Variants in ECRG4 observed in about 807,000 individuals in gnomAD.
ECRG4 encodes the protein ECRG4 augurin precursor.
Under a neutral mutation model 15.8 loss-of-function variants are expected in ECRG4, and 18 were observed. The ratio of observed to expected loss-of-function variants is 1.14; its 90% confidence interval spans 0.79 to 1.69. The LOEUF (loss-of-function observed/expected upper bound fraction) is 1.69, where lower values mean the gene tolerates loss of function less well. ECRG4 is among the 40% of genes most tolerant of loss of function. ECRG4 has a pLI of 0.00. For missense variants in ECRG4, 200 were observed against 190.9 expected (o/e 1.05, Z -0.28); for synonymous variants, 82 against 73.9 (o/e 1.11, Z -0.56).
At chr2:106,067,804 A>G (rs567210829) in intron 1 of ECRG4, among the ~76,000 whole-genome samples, 11 of 151,148 alleles carry the variant, frequency 7.3e-5, no homozygotes, top group African/African-American at 2.7e-4. Context: ...TCTTTATGTA[A>G]TCCCAAAGGT....
chr2:106,065,837 G>T lies in ECRG4; in HGVS notation c.73G>T (p.Gly25Cys). The change falls in exon 1 of 4, where the codon GGC (glycine) becomes TGC (cysteine). Residue 25 changes from glycine to cysteine, a missense_variant. Transcript: ENST00000238044. ...GLALLLLLCW[G>C]PGGISGNKLK... ...GGCGCTGCTCCTGCTCCTGTGCTGG[G>T]GCCCAGGTGAGCGGGGCGATGCCAG... is the stretch of plus-strand genomic sequence containing the variant. The T allele has an allele frequency of 6.8e-7, 1 of 1,480,394 alleles. No homozygotes were observed. The highest frequency in any genetic ancestry group is 2.9e-5 in the East Asian group (1 of 34,248). 91.7% of individuals were successfully genotyped at this position (1,480,394 alleles called of 1,614,324 possible).
chr2:106,067,523 G>A (rs1676252308), intron 1 of ECRG4, among the ~76,000 whole-genome samples: 1 of 151,384 alleles, frequency 6.6e-6, no homozygotes, highest in African/African-American at 2.4e-5. Context: ...AGGCTGGAGT[G>A]TAATGGCGTG....
chr2:106,071,956 G>T, intron 2 of ECRG4, 65 bp downstream of exon 2: 1 of 1,392,618 alleles, frequency 7.2e-7, no homozygotes, highest in South Asian at 1.2e-5. Context: ...TGGCAATATG[G>T]ATTGTGCTCA....
chr2:106,069,107 CCTT>C, intron 1 of ECRG4, among the ~76,000 whole-genome samples: 1 of 131,414 alleles, frequency 7.6e-6, no homozygotes, highest in South Asian at 3.0e-4. Context: ...TTCCTTCCTT[CCTT>C]CTTTTTCTTT....
chr2:106,065,928 T>G, intron 1 of ECRG4, 85 bp downstream of exon 1: 1 of 1,228,968 alleles, frequency 8.1e-7, no homozygotes, highest in South Asian at 1.6e-5. Context: ...GGGAGAGCGA[T>G]CGGTGATGGG....
Position 106,069,564 on chromosome 2 carries a change from A to G in ECRG4, c.80-2280A>G, listed in dbSNP as rs923067288. Among the ~76,000 whole-genome samples the G allele has an allele frequency of 2.6e-5, 4 of 152,258 alleles. No individual in the cohort carries two copies. In the East Asian group the frequency reaches 7.7e-4, roughly 29 times the overall value. On this transcript the variant is annotated intron_variant, in intron 1 of 3. Transcript: ENST00000238044. Reference sequence around the variant, plus strand: ...TGACCAGGCTGGTCTCAAACTCCTGATCTCAGGCTATGCGCCTGCCTTGGC... The same window carrying G: ...TGACCAGGCTGGTCTCAAACTCCTGGTCTCAGGCTATGCGCCTGCCTTGGC...
chr2:106,075,670 TGAG>T (rs1398817597), intron 3 of ECRG4, among the ~76,000 whole-genome samples: 1 of 151,810 alleles, frequency 6.6e-6, no homozygotes, highest in Non-Finnish European at 1.5e-5. Flanking sequence ...TGCTGTGAGC[TGAG>T]ATCGCACCAC....
At chr2:106,075,881 G>A (rs1009952302) in intron 3 of ECRG4, among the ~76,000 whole-genome samples, 1 of 152,154 alleles carries the variant, frequency 6.6e-6, no homozygotes, top group Admixed American at 6.5e-5. Flanking sequence ...GTGGTCTCTG[G>A]CAAAGGAATA....
intron 2 of ECRG4, 23 bp from the exon 3 acceptor site, chr2:106,073,863 G>T: frequency 3.1e-6 from 5 of 1,610,558 alleles, no homozygotes; most frequent in Non-Finnish European, 4.2e-6. Context: ...TGTGCTTTGG[G>T]GATGGGGAAT....
chr2:106,073,047 C>A (rs1289543455), intron 2 of ECRG4, among the ~76,000 whole-genome samples: 2 of 152,222 alleles, frequency 1.3e-5, no homozygotes, highest in African/African-American at 4.8e-5. Flanking sequence ...GTCCATACGA[C>A]CAACGAATGC....
rs185146208 is a variant in ECRG4 at position 106,071,179 on chromosome 2, C to G, written c.80-665C>G. Among the ~76,000 whole-genome samples the G allele has an allele frequency of 2.0e-5, 3 of 151,956 alleles. No individual in the cohort carries two copies. In the East Asian group the frequency reaches 5.8e-4, roughly 29 times the overall value. ...TCCCCAGTGTGTGGGAGCCTGACTC[C>G]CATTTCTGCCTGCCTCTGTCTTCAC... On this transcript the variant is annotated intron_variant, in intron 1 of 3. Coordinates refer to ENST00000238044, the MANE Select transcript of ECRG4 (RefSeq NM_032411.3).
At position 106,073,993 on chromosome 2, in the gene ECRG4, G is replaced by C. The variant is rs1478425308; in HGVS notation, c.235G>C (p.Glu79Gln). Residue 79 changes from glutamate to glutamine, a missense_variant, in exon 3 of 4, where the codon GAG (glutamate) becomes CAG (glutamine). Physicochemically the swap from Glu to Gln is conservative, Grantham distance 29. Coordinates refer to ENST00000238044, the MANE Select transcript of ECRG4 (RefSeq NM_032411.3). The part of the protein sequence containing the change: ...KRQLWDRTRP[E>Q]VQQWYQQFLY... ...GCAGCTGTGGGACCGGACTCGGCCC[G>C]AGGTGCAGCAGTGGTACCAGCAGTT... 3.7e-6 allele frequency: 6 copies of C among 1,613,880 alleles called. No homozygotes were observed. Among genetic ancestry groups the C allele is most frequent in the Non-Finnish European group, 5.1e-6 (6 of 1,180,054 alleles).
rs775203719 is a variant in ECRG4, at chr2:106,065,827, C to G, written c.63C>G (p.Leu21=). 4 of 1,485,538 alleles carry G rather than the reference C, an allele frequency of 2.7e-6. No individual in the cohort carries two copies. The highest frequency in any genetic ancestry group is 3.6e-6 in the Non-Finnish European group (4 of 1,124,456). 92.0% of individuals were successfully genotyped at this position (1,485,538 alleles called of 1,614,324 possible). The change falls in exon 1 of 4, where the codon CTC becomes CTG. Residue 21 remains leucine, a synonymous_variant. Coordinates refer to ENST00000238044, the MANE Select transcript of ECRG4 (RefSeq NM_032411.3). ...TGACCGGGCTGGCGCTGCTCCTGCT[C>G]CTGTGCTGGGGCCCAGGTGAGCGGG... ...LALTGLALLL[L]LCWGPGGISG...
chr2:106,076,892 C>G (rs1013893202), intron 3 of ECRG4, among the ~76,000 whole-genome samples: 3 of 152,310 alleles, frequency 2.0e-5, no homozygotes, highest in Admixed American at 1.3e-4. Flanking sequence ...TTGCGATGTC[C>G]TGAGCATCAG....
chr2:106,066,431 A>G (rs932716997), intron 1 of ECRG4, among the ~76,000 whole-genome samples: 2 of 152,180 alleles, frequency 1.3e-5, no homozygotes, highest in Non-Finnish European at 2.9e-5. Flanking sequence ...TCTCTGTAAA[A>G]CGTGCATTCA....
At chr2:106,073,647 G>A (rs1676417386) in intron 2 of ECRG4, among the ~76,000 whole-genome samples, 1 of 152,230 alleles carries the variant, frequency 6.6e-6, no homozygotes, top group Non-Finnish European at 1.5e-5. Flanking sequence ...AGGACCTAGA[G>A]GTTGAAGTTT....
At chr2:106,069,933 A>G (rs968852543) in intron 1 of ECRG4, among the ~76,000 whole-genome samples, 2 of 152,196 alleles carry the variant, frequency 1.3e-5, no homozygotes, top group African/African-American at 4.8e-5. Flanking sequence ...CGACTTGAGC[A>G]CAGACAACAA....
At chr2:106,073,204 C>T (rs1176469457) in intron 2 of ECRG4, among the ~76,000 whole-genome samples, 1 of 152,200 alleles carries the variant, frequency 6.6e-6, no homozygotes, top group Admixed American at 6.5e-5. Flanking sequence ...TCCTCGAGCA[C>T]ATCCTGCGGA....
At chr2:106,068,396 A>G (rs1030606141) in intron 1 of ECRG4, among the ~76,000 whole-genome samples, 3 of 152,180 alleles carry the variant, frequency 2.0e-5, no homozygotes, top group African/African-American at 7.2e-5. Flanking sequence ...CTTTTCCTCA[A>G]ACAAATTTAG....
Sources: gnomAD v4.1 joint callset for allele counts (sites outside exome capture counted in the v4.1 genomes callset) on GRCh38, gnomAD v4.1.1 for gene constraint, MANE v1.5 for transcripts, NCBI Gene and HGNC (gene_info 2026-07-23, HGNC 2026-07-21) for gene names.